The following PPP2R2C variants were observed in gnomAD, a reference collection of about 807,000 sequenced individuals.
The protein encoded by PPP2R2C is protein phosphatase 2, regulatory subunit B, gamma.
A neutral mutation model predicts 45.3 loss-of-function variants in PPP2R2C; 10 were observed. The observed-to-expected ratio is 0.22, with a 90% CI of 0.14 to 0.37. The LOEUF is 0.37. PPP2R2C is among the 10% of genes least tolerant of loss of function. The pLI is 1.00. For synonymous variants in PPP2R2C, 257 were observed against 245.4 expected (o/e 1.05, Z -0.44); for missense variants, 308 against 619.7 (o/e 0.50, Z 5.34).
chr4:6,438,967 C>T (rs778230619), intron 1 of PPP2R2C, among the ~76,000 whole-genome samples: 19 of 152,202 alleles, frequency 1.2e-4, no homozygotes, highest in African/African-American at 2.2e-4. Context: ...AACACACACA[C>T]GGCAGCTTCC....
At chr4:6,391,152 C>T (rs2240264) in intron 1 of PPP2R2C, among the ~76,000 whole-genome samples, 44,938 of 152,006 alleles carry the variant, frequency 0.3, 6,769 homozygotes, top group African/African-American at 0.36. Flanking sequence ...GTAACCTGGA[C>T]ACCCAGGAAC....
At chr4:6,449,561 G>A (rs1577191657) in intron 1 of PPP2R2C, among the ~76,000 whole-genome samples, 3 of 152,226 alleles carry the variant, frequency 2.0e-5, no homozygotes, top group Admixed American at 6.5e-5. Context: ...AGGGACTCCC[G>A]TGTCCTGTCG....
At position 6,489,755 on chromosome 4, in the gene PPP2R2C, C is replaced by T. The variant is rs112422697; in HGVS notation, c.49+45516G>A. 6.1e-3 allele frequency among the ~76,000 whole-genome samples: 931 copies of T among 152,228 alleles called. 4 individuals are homozygous for T. The highest frequency in any genetic ancestry group is 0.015 in the African/African-American group (613 of 41,546). ...CCAGTCCACTACTCAACAAGTGAGC[C>T]GAGTCTTGTGGGGATTGAGATTCAC... On this transcript the variant is annotated intron_variant, in intron 2 of 9. Transcript: ENST00000506140.
rs1490419504 is a variant in PPP2R2C, at chr4:6,472,233, A to G, written c.-4T>C. 1.2e-6 allele frequency: 2 copies of G among 1,612,642 alleles called. No individual in the cohort carries two copies. Among genetic ancestry groups the G allele is most frequent in the Admixed American group, 3.3e-5 (2 of 59,948 alleles). ...GCGTGTCCGTGTCCTCGCCCATTGA[A>G]GGCCGTGCCCGGTGCTCTGGGCATG... On this transcript the variant is annotated 5_prime_UTR_variant, in exon 1 of 9. Coordinates refer to ENST00000382599, the MANE Select transcript of PPP2R2C (RefSeq NM_020416.4).
At chr4:6,431,137 G>A (rs1369033325) in intron 1 of PPP2R2C, among the ~76,000 whole-genome samples, 5 of 152,168 alleles carry the variant, frequency 3.3e-5, no homozygotes, top group South Asian at 2.1e-4. Flanking sequence ...GCAAGGGGAC[G>A]AGCCGCCTGA....
intron 1 of PPP2R2C, chr4:6,382,308 A>C: frequency 7.8e-7 from 1 of 1,284,348 alleles, no homozygotes; most frequent in Non-Finnish European, 1.0e-6. Context: ...GTAGTCTCCA[A>C]AATCTGTGAT....
At chr4:6,494,728 G>C (rs149326293) in intron 2 of PPP2R2C, among the ~76,000 whole-genome samples, 6 of 152,226 alleles carry the variant, frequency 3.9e-5, no homozygotes, top group Non-Finnish European at 5.9e-5. Flanking sequence ...CTGGGACACA[G>C]GTCAGGGATG....
At chr4:6,400,350 C>A (rs1350190939) in intron 1 of PPP2R2C, among the ~76,000 whole-genome samples, 1 of 151,730 alleles carries the variant, frequency 6.6e-6, no homozygotes, top group Admixed American at 6.6e-5. Context: ...AGTTATTTTC[C>A]AAAAAAAATA....
intron 1 of PPP2R2C, among the ~76,000 whole-genome samples, chr4:6,457,207 C>CAAAAAAAAAAA (rs34145628): frequency 2.3e-5 from 2 of 88,804 alleles, no homozygotes; most frequent in African/African-American, 4.6e-5. Context: ...GACTCCATCT[C>CAAAAAAAAAAA]AAAAAAAAAA....
chr4:6,441,572 C>T (rs375510922), intron 1 of PPP2R2C, among the ~76,000 whole-genome samples: 4 of 152,196 alleles, frequency 2.6e-5, no homozygotes, highest in Non-Finnish European at 4.4e-5. Context: ...CCTTCCCTGG[C>T]GGATGGTTCC....
intron 1 of PPP2R2C, among the ~76,000 whole-genome samples, chr4:6,549,391 G>A (rs1198475983): frequency 2.6e-5 from 4 of 152,204 alleles, no homozygotes; most frequent in Non-Finnish European, 1.5e-5. Context: ...TCCAGATGGA[G>A]GGTGGTCCGG....
intron 1 of PPP2R2C, among the ~76,000 whole-genome samples, chr4:6,397,723 G>A (rs75346839): frequency 0.065 from 9,892 of 152,234 alleles, 414 homozygotes; most frequent in Non-Finnish European, 0.089. Context: ...CATCCTCTCC[G>A]AACCTCAGTT....
intron 1 of PPP2R2C, among the ~76,000 whole-genome samples, chr4:6,538,804 G>A (rs562278657): frequency 7.9e-5 from 12 of 152,318 alleles, no homozygotes; most frequent in Non-Finnish European, 1.5e-4. Flanking sequence ...CCCCCGCACC[G>A]TCATGAAATG....
intron 1 of PPP2R2C, among the ~76,000 whole-genome samples, chr4:6,538,563 C>T (rs1420568242): frequency 3.9e-5 from 6 of 152,180 alleles, no homozygotes; most frequent in Admixed American, 2.0e-4. Context: ...GATGAGGTCA[C>T]GTCATCTTCC....
chr4:6,530,333 C>T (rs1724352961), intron 2 of PPP2R2C, among the ~76,000 whole-genome samples: 1 of 152,132 alleles, frequency 6.6e-6, no homozygotes, highest in South Asian at 2.1e-4. Context: ...TTTCCATGCA[C>T]GCGACGTATG....
chr4:6,433,525 A>G (rs1365060013), intron 1 of PPP2R2C, among the ~76,000 whole-genome samples: 2 of 152,138 alleles, frequency 1.3e-5, no homozygotes, highest in African/African-American at 4.8e-5. Flanking sequence ...AGCTTCCCTG[A>G]AGCCCCAGGC....
chr4:6,512,294 C>T (rs867256111), intron 2 of PPP2R2C, among the ~76,000 whole-genome samples: 151 of 5,288 alleles, frequency 0.029, no homozygotes, highest in Admixed American at 0.047. Flanking sequence ...GTGATGGTGG[C>T]GGTGGTGGTG....
At chr4:6,448,192 C>T (rs1326175178) in intron 1 of PPP2R2C, among the ~76,000 whole-genome samples, 1 of 152,184 alleles carries the variant, frequency 6.6e-6, no homozygotes, top group Non-Finnish European at 1.5e-5. Flanking sequence ...AAGCCCTTTG[C>T]ATCGTTTCCT....
intron 2 of PPP2R2C, among the ~76,000 whole-genome samples, chr4:6,517,873 G>GC (rs530877085): frequency 1.8e-4 from 28 of 152,120 alleles, no homozygotes; most frequent in African/African-American, 6.8e-4. Context: ...TTGGTACTTT[G>GC]CCCCCTGCTC....
Sources: gnomAD v4.1 joint callset for allele counts (sites outside exome capture counted in the v4.1 genomes callset) on GRCh38, gnomAD v4.1.1 for gene constraint, MANE v1.5 for transcripts, NCBI Gene and HGNC (gene_info 2026-07-23, HGNC 2026-07-21) for gene names.